The following MGAT5 variants were observed in gnomAD, a reference collection of about 807,000 sequenced individuals.
MGAT5 encodes alpha-1,6-mannosylglycoprotein 6-beta-N-acetylglucosaminyltransferase A.
In MGAT5, 30 loss-of-function variants were observed where a neutral mutation model predicts 94.3. That is an observed-to-expected ratio of 0.32 (90% CI 0.24 to 0.43). The LOEUF is 0.43. Ranked by LOEUF, MGAT5 falls within the 20% of genes least tolerant of loss-of-function variation. The pLI, the probability that MGAT5 is intolerant of heterozygous loss-of-function variation, is 1.00. For missense variants in MGAT5, 691 were observed against 905.5 expected, an observed-to-expected ratio of 0.76 and a Z score of 3.04; for synonymous variants, 310 against 322.9, an observed-to-expected ratio of 0.96 and a Z score of 0.43.
intron 2 of MGAT5, among the ~76,000 whole-genome samples, chr2:134,275,325 G>T (rs937499984): frequency 6.6e-6 from 1 of 152,178 alleles, no homozygotes; most frequent in Non-Finnish European, 1.5e-5. Flanking sequence ...TAAATATGTG[G>T]ACCCTTGTCA....
rs770494593 is a variant in MGAT5, at chr2:134,403,062, G to A, written c.1455G>A (p.Lys485=). ...VHATVYGSST[K]NIPSYVKNHG... Reference sequence around the variant, plus strand: ...CAACTGTTTATGGCTCCAGCACAAAGAATATTCCCAGTTACGTGAAAAACC... The same window carrying A: ...CAACTGTTTATGGCTCCAGCACAAAAAATATTCCCAGTTACGTGAAAAACC... The change falls in exon 11 of 16, where the codon AAG becomes AAA. Residue 485 remains lysine (K), a synonymous_variant. Coordinates refer to ENST00000281923, the MANE Select transcript of MGAT5 (RefSeq NM_002410.5). 2 of 1,612,632 alleles carry A rather than the reference G, an allele frequency of 1.2e-6. No individual in the cohort carries two copies. The highest frequency in any genetic ancestry group is 2.2e-5 in the South Asian group (2 of 90,692).
At chr2:134,341,487 G>A in intron 6 of MGAT5, 103 bp from the exon 7 acceptor site, 2 of 922,832 alleles carry the variant, frequency 2.2e-6, no homozygotes, top group Non-Finnish European at 3.2e-6. Context: ...ATTTTGTTAG[G>A]ATGTAAACAT....
At chr2:134,173,042 G>A (rs1688292662) in intron 1 of MGAT5, among the ~76,000 whole-genome samples, 1 of 152,110 alleles carries the variant, frequency 6.6e-6, no homozygotes, top group African/African-American at 2.4e-5. Flanking sequence ...TCTATCTAAG[G>A]CTTCTCTCTA....
chr2:134,405,531 C>T (rs1683285126), intron 11 of MGAT5, among the ~76,000 whole-genome samples: 1 of 152,238 alleles, frequency 6.6e-6, no homozygotes, highest in South Asian at 2.1e-4. Context: ...GCATCTATAA[C>T]CCTTTCTGTC....
intron 9 of MGAT5, among the ~76,000 whole-genome samples, chr2:134,351,028 T>C (rs1470357219): frequency 1.3e-5 from 2 of 152,142 alleles, no homozygotes; most frequent in Non-Finnish European, 2.9e-5. Context: ...GCACATGCAT[T>C]GGACTAATCT....
intron 1 of MGAT5, among the ~76,000 whole-genome samples, chr2:134,187,958 G>A (rs750662106): frequency 6.6e-5 from 10 of 152,308 alleles, no homozygotes; most frequent in South Asian, 4.1e-4. Context: ...TTCCGCCTGT[G>A]GTGAAAGAGA....
chr2:134,263,136 G>A (rs1460811406), intron 1 of MGAT5, among the ~76,000 whole-genome samples: 1 of 152,134 alleles, frequency 6.6e-6, no homozygotes, highest in African/African-American at 2.4e-5. Flanking sequence ...GGCATCAGGT[G>A]GGGGACAATG....
At chr2:134,413,702 A>G (rs1242594042) in intron 12 of MGAT5, among the ~76,000 whole-genome samples, 2 of 152,200 alleles carry the variant, frequency 1.3e-5, no homozygotes, top group African/African-American at 2.4e-5. Context: ...GCAAGAAACC[A>G]TAAGATTGAT....
chr2:134,361,246 C>G (rs1390561228), intron 9 of MGAT5, among the ~76,000 whole-genome samples: 1 of 152,186 alleles, frequency 6.6e-6, no homozygotes, highest in Non-Finnish European at 1.5e-5. Context: ...TTTTCAGAAT[C>G]TTGTGTATAT....
At chr2:134,257,233 TTTTGTTTG>T (rs985969306) in intron 1 of MGAT5, among the ~76,000 whole-genome samples, 3 of 152,182 alleles carry the variant, frequency 2.0e-5, no homozygotes, top group Non-Finnish European at 4.4e-5. Flanking sequence ...GTTTTAGTTT[TTTTGTTTG>T]TTTGTTTCTG....
chr2:134,127,930 C>T (rs80202084), intron 1 of MGAT5, among the ~76,000 whole-genome samples: 2,152 of 152,214 alleles, frequency 0.014, 57 homozygotes, highest in African/African-American at 0.047. Flanking sequence ...CAGAGTTCAT[C>T]TTTTAAAATC....
At chr2:134,257,836 C>CCTTTTTTTTTTTTTTTTTTTTTTT (rs781189819) in intron 1 of MGAT5, among the ~76,000 whole-genome samples, 1 of 106,414 alleles carries the variant, frequency 9.4e-6, no homozygotes, top group African/African-American at 3.7e-5. Context: ...TTTGCAGTCT[C>CCTTTTTTTTTTTTTTTTTTTTTTT]TTTTTTTTTT....
chr2:134,412,306 G>T (rs1439063740), intron 11 of MGAT5, among the ~76,000 whole-genome samples: 1 of 152,074 alleles, frequency 6.6e-6, no homozygotes, highest in East Asian at 1.9e-4. Flanking sequence ...CCAAGATGTT[G>T]GTGTCCCCAG....
At position 134,422,934 on chromosome 2, in the gene MGAT5, T is replaced by G; in HGVS notation, c.1794+15T>G. The G allele has an allele frequency of 6.3e-7, 1 of 1,578,606 alleles. No individual in the cohort carries two copies. Among genetic ancestry groups the G allele is most frequent in the Non-Finnish European group, 8.7e-7 (1 of 1,148,068 alleles). On this transcript the variant is annotated intron_variant, in intron 13 of 15. Transcript: ENST00000281923. The stretch of plus-strand genomic sequence containing the variant: ...TAAATCAGAAGGTTGGTTCATTTTA[T>G]TCCACTTTCCCTCCTTTCTAATGTG...
chr2:134,441,872 C>G lies in MGAT5; in HGVS notation c.1984C>G (p.Pro662Ala), dbSNP rs370758528. The G allele has an allele frequency of 2.5e-6, 4 of 1,613,990 alleles. No homozygotes were observed. Among genetic ancestry groups the G allele is most frequent in the Non-Finnish European group, 3.4e-6 (4 of 1,180,022 alleles). Residue 662 changes from proline to alanine, a missense_variant, in exon 15 of 16, where the codon CCT (proline) becomes GCT (alanine). Transcript: ENST00000281923. ...CCAGGAGAGCCAGCTCATCTGCGAGCCTTCTTTCTTCCAGCACCTCAACAA... is the reference window on the plus strand; with the variant it reads ...CCAGGAGAGCCAGCTCATCTGCGAGGCTTCTTTCTTCCAGCACCTCAACAA... ...VCQESQLICE[P>A]SFFQHLNKDK...
intron 1 of MGAT5, among the ~76,000 whole-genome samples, chr2:134,187,071 T>C (rs1262053819): frequency 6.6e-6 from 1 of 152,128 alleles, no homozygotes; most frequent in Non-Finnish European, 1.5e-5. Context: ...GGAACAAACT[T>C]GACCTAGCTT....
At position 134,420,185 on chromosome 2, in the gene MGAT5, G is replaced by A. The variant is rs183413800; in HGVS notation, c.1678-2618G>A. Among the ~76,000 whole-genome samples, 4 of 152,168 alleles carry A rather than the reference G, an allele frequency of 2.6e-5. No individual in the cohort carries two copies. The East Asian group carries it at 7.7e-4, about 29-fold the overall frequency. On this transcript the variant is annotated intron_variant, in intron 12 of 15. Transcript: ENST00000281923. Reference sequence around the variant, plus strand: ...GTGGGGTCTTAGGGGAAATGTAATCGCCTCTCAGTCTCAGAATCGTCATTG... The same window carrying A: ...GTGGGGTCTTAGGGGAAATGTAATCACCTCTCAGTCTCAGAATCGTCATTG...
chr2:134,337,024 G>A lies in MGAT5; in HGVS notation c.645+736G>A, dbSNP rs115917396. Among the ~76,000 whole-genome samples the A allele has an allele frequency of 9.1e-3, 1,386 of 152,258 alleles. 18 individuals are homozygous for A. The highest frequency in any genetic ancestry group is 0.03 in the African/African-American group (1,239 of 41,554). ...AGCTCCTCAGTTCTGCCATTGTAGCGCAGAGAGCAGCTGTATATGATATGT... is the reference window on the plus strand; with the variant it reads ...AGCTCCTCAGTTCTGCCATTGTAGCACAGAGAGCAGCTGTATATGATATGT... On this transcript the variant is annotated intron_variant, in intron 5 of 15. Coordinates refer to ENST00000281923, the MANE Select transcript of MGAT5 (RefSeq NM_002410.5).
intron 15 of MGAT5, among the ~76,000 whole-genome samples, chr2:134,442,818 C>T (rs1216929229): frequency 6.6e-6 from 1 of 152,126 alleles, no homozygotes; most frequent in South Asian, 2.1e-4. Context: ...CCCACCCACC[C>T]ACCACCTTAG....
Sources: allele counts gnomAD v4.1 joint callset (sites outside exome capture counted in the v4.1 genomes callset), GRCh38; gene constraint gnomAD v4.1.1; transcripts MANE v1.5; gene names NCBI Gene and HGNC (gene_info 2026-07-23, HGNC 2026-07-21).